The following CACNA2D1 variants were observed in gnomAD, a reference collection of about 807,000 sequenced individuals.
CACNA2D1 encodes voltage-dependent calcium channel subunit alpha-2/delta-1.
CACNA2D1 carries 53 observed loss-of-function variants against 171.5 expected under a neutral mutation model. The ratio of observed to expected loss-of-function variants is 0.31; its 90% CI spans 0.25 to 0.39. The LOEUF (loss-of-function observed/expected upper bound fraction) is 0.39. Among genes scored for constraint, CACNA2D1 ranks in the 10% least tolerant of loss-of-function variants. The probability of loss-of-function intolerance (pLI) is 1.00; values close to 1 mark genes in which losing one functional copy is unlikely to be tolerated. For missense variants in CACNA2D1, 903 were observed against 1,299.8 expected, an observed-to-expected ratio of 0.69 and a Z score of 4.69; for synonymous variants, 442 against 443.1, an observed-to-expected ratio of 1.00 and a Z score of 0.03.
At chr7:81,975,712 T>C (rs2130526554) in intron 24 of CACNA2D1, among the ~76,000 whole-genome samples, 1 of 152,284 alleles carries the variant, frequency 6.6e-6, no homozygotes, top group Non-Finnish European at 1.5e-5. Context: ...AGAAAATGAG[T>C]TGTGTACAAC....
intron 1 of CACNA2D1, among the ~76,000 whole-genome samples, chr7:82,411,371 A>G (rs1453147156): frequency 2.0e-5 from 3 of 152,190 alleles, no homozygotes; most frequent in Non-Finnish European, 4.4e-5. Flanking sequence ...CTTCATTTAT[A>G]AAAACGAAAA....
chr7:82,162,631 T>C (rs1795063972), intron 4 of CACNA2D1, among the ~76,000 whole-genome samples: 1 of 147,686 alleles, frequency 6.8e-6, no homozygotes, highest in Non-Finnish European at 1.5e-5. Context: ...TTTCTTCTTT[T>C]TTAAGAGACT....
intron 3 of CACNA2D1, among the ~76,000 whole-genome samples, chr7:82,333,310 T>C (rs1242837274): frequency 6.6e-6 from 1 of 152,052 alleles, no homozygotes; most frequent in African/African-American, 2.4e-5. Flanking sequence ...TGAAGAAGAA[T>C]ATAGTGAGGG....
chr7:82,222,557 T>G (rs535915000), intron 3 of CACNA2D1, among the ~76,000 whole-genome samples: 1 of 152,254 alleles, frequency 6.6e-6, no homozygotes, highest in South Asian at 2.1e-4. Context: ...AACTTCCTAA[T>G]TGTAACAGAA....
intron 1 of CACNA2D1, among the ~76,000 whole-genome samples, chr7:82,366,098 C>G (rs1044179537): frequency 6.6e-6 from 1 of 152,198 alleles, no homozygotes. Context: ...TGCTACAGCA[C>G]AGATATATAG....
intron 3 of CACNA2D1, among the ~76,000 whole-genome samples, chr7:82,308,577 T>G (rs1322768824): frequency 6.6e-6 from 1 of 152,198 alleles, no homozygotes; most frequent in Non-Finnish European, 1.5e-5. Context: ...AATATTTTGC[T>G]GCCCATTTTC....
At chr7:82,392,161 C>T (rs777785620) in intron 1 of CACNA2D1, among the ~76,000 whole-genome samples, 1 of 152,152 alleles carries the variant, frequency 6.6e-6, no homozygotes, top group Non-Finnish European at 1.5e-5. Flanking sequence ...TTACATAAAC[C>T]TACCCTTCCC....
chr7:82,394,263 T>C (rs891190528), intron 1 of CACNA2D1, among the ~76,000 whole-genome samples: 2 of 151,294 alleles, frequency 1.3e-5, no homozygotes, highest in Non-Finnish European at 2.9e-5. Context: ...TTTATAAATC[T>C]TATAGAGCTT....
intron 10 of CACNA2D1, among the ~76,000 whole-genome samples, chr7:82,043,548 T>G (rs563967163): frequency 4.9e-4 from 74 of 152,336 alleles, no homozygotes; most frequent in Middle Eastern, 3.4e-3. Flanking sequence ...ATTTCAATAC[T>G]TCCAAAGAAA....
chr7:82,222,121 AATACATCT>A (rs1801840306), intron 3 of CACNA2D1, among the ~76,000 whole-genome samples: 2 of 152,208 alleles, frequency 1.3e-5, no homozygotes, highest in African/African-American at 4.8e-5. Flanking sequence ...AGGCAAAGAG[AATACATCT>A]GTTGCTCACA....
At chr7:82,032,190 A>C (rs1460528480) in intron 12 of CACNA2D1, among the ~76,000 whole-genome samples, 1 of 151,928 alleles carries the variant, frequency 6.6e-6, no homozygotes, top group African/African-American at 2.4e-5. Context: ...TAAAACATAC[A>C]TTCAAATATA....
chr7:82,160,268 A>G (rs1794814811), intron 4 of CACNA2D1, among the ~76,000 whole-genome samples: 1 of 151,998 alleles, frequency 6.6e-6, no homozygotes, highest in South Asian at 2.1e-4. Context: ...TTAATCATAC[A>G]ACAACTCAGA....
intron 1 of CACNA2D1, among the ~76,000 whole-genome samples, chr7:82,351,130 C>T (rs1486300837): frequency 6.6e-6 from 1 of 152,104 alleles, no homozygotes; most frequent in African/African-American, 2.4e-5. Flanking sequence ...AGTAAGAATG[C>T]TAGATGATTT....
At chr7:82,190,522 A>C (rs1798186091) in intron 3 of CACNA2D1, among the ~76,000 whole-genome samples, 1 of 151,738 alleles carries the variant, frequency 6.6e-6, no homozygotes, top group Non-Finnish European at 1.5e-5. Context: ...CCATATATTC[A>C]ATTCCCAGAA....
intron 10 of CACNA2D1, 29 bp downstream of exon 10, chr7:82,060,399 T>A: frequency 6.9e-7 from 1 of 1,456,220 alleles, no homozygotes; most frequent in Non-Finnish European, 9.6e-7. Flanking sequence ...CAAATTTAAT[T>A]CAGGAAAATG....
intron 4 of CACNA2D1, among the ~76,000 whole-genome samples, chr7:82,143,152 A>C (rs1403951653): frequency 1.3e-5 from 2 of 152,204 alleles, no homozygotes; most frequent in Non-Finnish European, 2.9e-5. Context: ...GAAGTTTGGA[A>C]AACATGAACA....
intron 4 of CACNA2D1, among the ~76,000 whole-genome samples, chr7:82,138,899 A>G (rs1391037749): frequency 6.6e-6 from 1 of 152,168 alleles, no homozygotes; most frequent in Non-Finnish European, 1.5e-5. Flanking sequence ...TCAATTTAAA[A>G]TGTGGATTCT....
intron 3 of CACNA2D1, among the ~76,000 whole-genome samples, chr7:82,300,667 A>C (rs1812886760): frequency 6.6e-6 from 1 of 152,176 alleles, no homozygotes; most frequent in African/African-American, 2.4e-5. Flanking sequence ...AACCAAAGGA[A>C]GAAGGCTTCT....
At chr7:82,113,021 A>G (rs1331826330) in intron 6 of CACNA2D1, among the ~76,000 whole-genome samples, 2 of 152,190 alleles carry the variant, frequency 1.3e-5, no homozygotes, top group Non-Finnish European at 2.9e-5. Flanking sequence ...CAAAATGAAG[A>G]TATCTTCATG....
Sources: allele counts gnomAD v4.1 joint callset (sites outside exome capture counted in the v4.1 genomes callset), GRCh38; gene constraint gnomAD v4.1.1; transcripts MANE v1.5; gene names NCBI Gene and HGNC (gene_info 2026-07-23, HGNC 2026-07-21).